The following JARID2 variants were observed in gnomAD, a reference collection of about 807,000 sequenced individuals.
The protein encoded by JARID2 is protein Jumonji.
In JARID2, 21 loss-of-function variants were observed where a neutral mutation model predicts 125.6. That is an observed-to-expected ratio of 0.17 (90% CI 0.12 to 0.24). The LOEUF is 0.24. JARID2 is among the 10% of genes least tolerant of loss of function. JARID2 has a pLI of 1.00. For missense variants in JARID2, 1,303 were observed against 1,639.6 expected (o/e 0.79, Z 3.55); for synonymous variants, 736 against 661.6 (o/e 1.11, Z -1.73).
In JARID2 at chr6:15,496,359, A is replaced by T; in HGVS notation, c.1134A>T (p.Lys378Asn). ...SSAVNHTISG[K>N]TESSNAKTRK... is the part of the protein sequence containing the mutation. ...CTGTCAACCACACAATCTCAGGGAA[A>T]ACTGAAAGTAGCAATGCAAAAACCC... The change falls in exon 7 of 18, where the codon AAA (lysine) becomes AAT (asparagine). Residue 378 changes from lysine to asparagine, a missense_variant. Around this residue, in one of 11 missense-constraint regions of JARID2, gnomAD observed 651 missense variants for 581.6 expected, o/e 1.12. Coordinates refer to ENST00000341776, the MANE Select transcript of JARID2 (RefSeq NM_004973.4). 6.2e-7 allele frequency: 1 copy of T among 1,614,176 alleles called. No individual in the cohort carries two copies. The highest frequency in any genetic ancestry group is 2.2e-5 in the East Asian group (1 of 44,880).
intron 6 of JARID2, among the ~76,000 whole-genome samples, chr6:15,490,769 C>T (rs1258586795): frequency 6.6e-6 from 1 of 152,196 alleles, no homozygotes; most frequent in Non-Finnish European, 1.5e-5. Context: ...TTAGGATAGT[C>T]CAACAGACGA....
Position 15,283,229 on chromosome 6 carries a change from T to C in JARID2, c.45+36645T>C, listed in dbSNP as rs544035361. Among the ~76,000 whole-genome samples the C allele has an allele frequency of 2.4e-3, 351 of 146,130 alleles. 6 individuals are homozygous for C. In the East Asian group the frequency reaches 0.032, roughly 13 times the overall value. On this transcript the variant is annotated intron_variant, in intron 1 of 17. Transcript: ENST00000341776. ...TGCCGACCTTGTGATCTGCCCACCT[T>C]GGCCTCCCAAAGTGCTGGGATTACA...
intron 1 of JARID2, among the ~76,000 whole-genome samples, chr6:15,286,296 G>A (rs191187311): frequency 6.8e-6 from 1 of 148,140 alleles, no homozygotes. Flanking sequence ...TTTGTCACCC[G>A]AGTTGGAGTG....
intron 1 of JARID2, among the ~76,000 whole-genome samples, chr6:15,309,443 G>C (rs926820337): frequency 6.6e-6 from 1 of 152,066 alleles, no homozygotes; most frequent in Non-Finnish European, 1.5e-5. Flanking sequence ...GTATTTTACT[G>C]TGTATCCCAG....
intron 3 of JARID2, among the ~76,000 whole-genome samples, chr6:15,431,039 C>G (rs371658291): frequency 8.5e-5 from 13 of 152,234 alleles, no homozygotes; most frequent in East Asian, 5.8e-4. Context: ...GCTTGTTGTT[C>G]CGGCAAATAC....
intron 1 of JARID2, among the ~76,000 whole-genome samples, chr6:15,367,585 A>G (rs1444650164): frequency 6.6e-6 from 1 of 152,200 alleles, no homozygotes; most frequent in Non-Finnish European, 1.5e-5. Context: ...CTGATCTGAT[A>G]TCTGCCATGG....
rs35429221 is a variant in JARID2, at chr6:15,392,680, CTTTTTTTT to C, written c.182-17532_182-17525del. Among the ~76,000 whole-genome samples, 67 of 120,896 alleles carry C rather than the reference CTTTTTTTT, an allele frequency of 5.5e-4. No individual in the cohort carries two copies. In the East Asian group the frequency reaches 0.016, roughly 29 times the overall value. The allele number at this position is 120,896 out of a possible 152,430, so 79.3% of individuals were successfully genotyped here. A position where few individuals can be genotyped will look rare whatever the true frequency, so the allele number is the denominator to read the frequency against. On this transcript the variant is annotated intron_variant, in intron 2 of 17. Transcript: ENST00000341776. Reference sequence around the variant, plus strand: ...GAGCTTTGCTGTTGTGATTAAGAGACTTTTTTTTTTTTTTTTTTTGAGTCAGGGTTTCG... The same window carrying C: ...GAGCTTTGCTGTTGTGATTAAGAGACTTTTTTTTTTTGAGTCAGGGTTTCG...
chr6:15,483,953 T>C (rs1769745409), intron 5 of JARID2, among the ~76,000 whole-genome samples: 1 of 152,240 alleles, frequency 6.6e-6, no homozygotes, highest in Non-Finnish European at 1.5e-5. Context: ...CGATGTAAAG[T>C]GGTGTATCTC....
At chr6:15,410,545 A>G (rs1467143150) in intron 3 of JARID2, among the ~76,000 whole-genome samples, 180 bp downstream of exon 3, 3 of 152,198 alleles carry the variant, frequency 2.0e-5, no homozygotes, top group Non-Finnish European at 4.4e-5. Context: ...TAATAATTAT[A>G]ATTAAAAACG....
chr6:15,442,876 T>C (rs1286595406), intron 3 of JARID2, among the ~76,000 whole-genome samples: 2 of 152,174 alleles, frequency 1.3e-5, no homozygotes, highest in African/African-American at 4.8e-5. Flanking sequence ...GAAACATAAT[T>C]GAATAATTTT....
At chr6:15,306,328 CTTTTTTTTTTTTT>C (rs398000594) in intron 1 of JARID2, among the ~76,000 whole-genome samples, 22 of 99,256 alleles carry the variant, frequency 2.2e-4, no homozygotes, top group Non-Finnish European at 3.0e-4. Context: ...AGTCATATTT[CTTTTTTTTTTTTT>C]TTTTTTTTTT....
chr6:15,294,406 A>C (rs1482023087), intron 1 of JARID2, among the ~76,000 whole-genome samples: 3 of 152,084 alleles, frequency 2.0e-5, no homozygotes, highest in African/African-American at 7.2e-5. Flanking sequence ...GTTAGCCAGG[A>C]TGGTCTCGAT....
chr6:15,470,413 A>C (rs1172041170), intron 5 of JARID2, among the ~76,000 whole-genome samples: 1 of 152,194 alleles, frequency 6.6e-6, no homozygotes, highest in African/African-American at 2.4e-5. Context: ...GTGCCTATGC[A>C]CTGAGCTACC....
At chr6:15,390,866 A>G (rs1764974463) in intron 2 of JARID2, among the ~76,000 whole-genome samples, 1 of 152,152 alleles carries the variant, frequency 6.6e-6, no homozygotes, top group Non-Finnish European at 1.5e-5. Flanking sequence ...CCAGGGTCCC[A>G]CCAAGGGTTC....
intron 2 of JARID2, among the ~76,000 whole-genome samples, chr6:15,407,223 C>T (rs773714809): frequency 1.2e-4 from 19 of 152,048 alleles, no homozygotes; most frequent in African/African-American, 3.1e-4. Context: ...AGCATGTCAC[C>T]GCACTCTAGC....
chr6:15,441,041 T>C (rs1767425536), intron 3 of JARID2, among the ~76,000 whole-genome samples: 1 of 152,142 alleles, frequency 6.6e-6, no homozygotes, highest in Admixed American at 6.5e-5. Context: ...CCCCAAAATG[T>C]GGGTTTTCTG....
rs368484802 is a variant in JARID2 at position 15,391,220 on chromosome 6, C to T, written c.181+16968C>T. Among the ~76,000 whole-genome samples the T allele has an allele frequency of 1.4e-4, 22 of 152,292 alleles. No individual in the cohort carries two copies. In the East Asian group the frequency reaches 3.1e-3, roughly 21 times the overall value. On this transcript the variant is annotated intron_variant, in intron 2 of 17. Coordinates refer to ENST00000341776, the MANE Select transcript of JARID2 (RefSeq NM_004973.4). ...AGGGCTTGGCGAGCTGAGACTGCTGCGGCCCTGACAAGCATGGAAGGAAGG... is the reference window on the plus strand; with the variant it reads ...AGGGCTTGGCGAGCTGAGACTGCTGTGGCCCTGACAAGCATGGAAGGAAGG...
At chr6:15,517,002 C>G in intron 16 of JARID2, among the ~76,000 whole-genome samples, 159 bp from the exon 17 acceptor site, 1 of 152,184 alleles carries the variant, frequency 6.6e-6, no homozygotes, top group East Asian at 1.9e-4. Context: ...TCCAGCATTT[C>G]CAGTCCTCAA....
rs371772910 is a variant in JARID2 at position 15,517,275 on chromosome 6, C to T, written c.3558+7C>T. ...GATGTACCGCTACGATGAGGTCAGT[C>T]CCTGCCCGCGGGGTAGGGCAGGGCG... On this transcript the variant is annotated splice_region_variant and intron_variant, in intron 17 of 17. Coordinates refer to ENST00000341776, the MANE Select transcript of JARID2 (RefSeq NM_004973.4). The T allele has an allele frequency of 2.0e-5, 32 of 1,603,038 alleles. 1 individual carries two copies. In the African/African-American group the frequency reaches 3.9e-4, roughly 19 times the overall value.
Sources: allele counts gnomAD v4.1 joint callset (sites outside exome capture counted in the v4.1 genomes callset), GRCh38; gene constraint gnomAD v4.1.1; regional missense constraint gnomAD v4.1.1; transcripts MANE v1.5; gene names NCBI Gene and HGNC (gene_info 2026-07-23, HGNC 2026-07-21).